Variants in ADAMTS8 observed in about 807,000 individuals in gnomAD.
ADAMTS8 encodes ADAM metallopeptidase with thrombospondin type 1 motif 8.
In ADAMTS8, 50 loss-of-function variants were observed where a neutral mutation model predicts 64.4. The ratio of observed to expected loss-of-function variants is 0.78; its 90% CI spans 0.62 to 0.98. The LOEUF is 0.98. ADAMTS8 is among the 50% of genes least tolerant of loss of function. The pLI, the probability that ADAMTS8 is intolerant of heterozygous loss-of-function variation, is 0.00. For synonymous variants in ADAMTS8, 556 were observed against 533.6 expected, an observed-to-expected ratio of 1.04 and a Z score of -0.58; for missense variants, 1,192 against 1,208.2, an observed-to-expected ratio of 0.99 and a Z score of 0.20.
At position 130,405,513 on chromosome 11, in the gene ADAMTS8, G is replaced by C; in HGVS notation, c.*45C>G. On this transcript the variant is annotated 3_prime_UTR_variant, in exon 9 of 9. Transcript: ENST00000257359. ...AGTGGAGACCCTTGTCTGCACCTCA[G>C]TACCGCATGTCCAGGAGCACAAGAC... is the stretch of plus-strand genomic sequence containing the variant. 1 of 1,548,486 alleles carries C rather than the reference G, an allele frequency of 6.5e-7. No individual in the cohort carries two copies. The highest frequency in any genetic ancestry group is 8.7e-7 in the Non-Finnish European group (1 of 1,148,046).
In ADAMTS8 at chr11:130,408,629, C is replaced by T; in HGVS notation, c.1934G>A (p.Gly645Asp). ...FKVFEAKVIDGTLCGPETLAI... is the reference protein window; with the variant it reads ...FKVFEAKVIDDTLCGPETLAI... ...CAGTGTTTCTGGCCCACACAGGGTG[C>T]CATCAATCACCTGCAACGGGGAAAG... Residue 645 changes from glycine (G) to aspartate (D), a missense_variant, in exon 8 of 9, where the codon GGC becomes GAC. By Grantham distance (94) the Gly-to-Asp change is moderately conservative (BLOSUM62 -1). Around this residue, in one of 5 missense-constraint regions of ADAMTS8, gnomAD observed 290 missense variants for 297.8 expected, o/e 0.97. Transcript: ENST00000257359. The T allele has an allele frequency of 6.2e-7, 1 of 1,613,990 alleles. No homozygotes were observed.
In ADAMTS8 at chr11:130,406,344, G is replaced by T. The variant is rs555757214; in HGVS notation, c.2100-216C>A. Among the ~76,000 whole-genome samples the T allele has an allele frequency of 2.0e-5, 3 of 152,342 alleles. No individual in the cohort carries two copies. The East Asian group carries it at 5.8e-4, about 29-fold the overall frequency. ...TTTTCAAGGGTGTTTGCTTCATCTG[G>T]CAACTCTATTTCAAAAGTGTGGTTG... On this transcript the variant is annotated intron_variant, in intron 8 of 8. Coordinates refer to ENST00000257359, the MANE Select transcript of ADAMTS8 (RefSeq NM_007037.6).
intron 1 of ADAMTS8, among the ~76,000 whole-genome samples, chr11:130,425,519 TG>T (rs753013246): frequency 1.1e-4 from 17 of 151,996 alleles, no homozygotes; most frequent in Non-Finnish European, 2.2e-4. Context: ...GTTCCATGTG[TG>T]GGGGTAGAGG....
intron 4 of ADAMTS8, 41 bp from the exon 5 acceptor site, chr11:130,414,873 G>A: frequency 2.0e-6 from 3 of 1,530,106 alleles, no homozygotes; most frequent in Non-Finnish European, 2.6e-6. Context: ...CATGCACAGG[G>A]CTGCCGCCCT....
In ADAMTS8 at chr11:130,414,824, G is replaced by A; in HGVS notation, c.1273C>T (p.Leu425Phe). Reference sequence around the variant, plus strand: ...AGGGCCGCAGCAGGGGCATCCAGGAGACAGTCTCCTGGGAAAAGAGGAAGC... The same window carrying A: ...AGGGCCGCAGCAGGGGCATCCAGGAAACAGTCTCCTGGGAAAAGAGGAAGC... Reference protein sequence around the residue: ...ELLDGGHGDCLLDAPAAALPL... With the variant: ...ELLDGGHGDCFLDAPAAALPL... The change falls in exon 5 of 9, where the codon CTC becomes TTC. Residue 425 changes from leucine (L) to phenylalanine (F), a missense_variant. Transcript: ENST00000257359. 1 of 1,606,408 alleles carries A rather than the reference G, an allele frequency of 6.2e-7. No homozygotes were observed. The highest frequency in any genetic ancestry group is 8.5e-7 in the Non-Finnish European group (1 of 1,175,424).
rs1172119035 is a variant in ADAMTS8, at chr11:130,414,542, C to T, written c.1555G>A (p.Glu519Lys). 2 of 1,600,414 alleles carry T rather than the reference C, an allele frequency of 1.2e-6. No individual in the cohort carries two copies. Among genetic ancestry groups the T allele is most frequent in the Admixed American group, 1.7e-5 (1 of 59,354 alleles). ...EGSCLPEEEVERPKPVADGGW... is the reference protein window; with the variant it reads ...EGSCLPEEEVKRPKPVADGGW... ...GGGCTGTCCCTCACCTTGGGCCTCTCCACTTCCTCCTCAGGTAGACAGCTG... is the reference window on the plus strand; with the variant it reads ...GGGCTGTCCCTCACCTTGGGCCTCTTCACTTCCTCCTCAGGTAGACAGCTG... The change falls in exon 5 of 9, where the codon GAG becomes AAG. Residue 519 changes from glutamate to lysine, a missense_variant. Transcript: ENST00000257359.
chr11:130,422,911 G>A (rs1862119181), intron 1 of ADAMTS8, among the ~76,000 whole-genome samples: 1 of 152,190 alleles, frequency 6.6e-6, no homozygotes, highest in Admixed American at 6.5e-5. Flanking sequence ...GCCATGCCTT[G>A]CTGAGTATGT....
Position 130,405,837 on chromosome 11 carries a change from G to C in ADAMTS8, c.2391C>G (p.Val797=). ...TVQLLTVPGE[V]FPPKVKYTFF... ...AGGTGTATTTGACTTTTGGGGGGAA[G>C]ACCTCGCCAGGGACTGTCAGGAGCT... is the stretch of plus-strand genomic sequence containing the variant. The change falls in exon 9 of 9, where the codon GTC becomes GTG. Residue 797 remains valine (V), a synonymous_variant. Transcript: ENST00000257359. 1 of 1,613,966 alleles carries C rather than the reference G, an allele frequency of 6.2e-7. No homozygotes were observed. Among genetic ancestry groups the C allele is most frequent in the Non-Finnish European group, 8.5e-7 (1 of 1,180,054 alleles).
rs375202417 is a variant in ADAMTS8, at chr11:130,408,827, G to A, written c.1864C>T (p.Arg622Cys). The change falls in exon 7 of 9, where the codon CGC becomes TGC. Residue 622 changes from arginine to cysteine, a missense_variant. Transcript: ENST00000257359. Reference protein sequence around the residue: ...PKYAGVSPRDRCKLFCRARGR... With the variant: ...PKYAGVSPRDCCKLFCRARGR... ...CGGGCTCGGCAGAACAACTTGCAGC[G>A]GTCCCGGGGGGACACCCCAGCATAC... is the stretch of plus-strand genomic sequence containing the variant. 1.3e-5 allele frequency: 21 copies of A among 1,613,866 alleles called. No homozygotes were observed. Among genetic ancestry groups the A allele is most frequent in the East Asian group, 4.5e-5 (2 of 44,882 alleles).
rs371044643 is a variant in ADAMTS8, at chr11:130,411,498, C to T, written c.1669G>A (p.Glu557Lys). 4.3e-5 allele frequency: 70 copies of T among 1,614,060 alleles called. No homozygotes were observed. Among genetic ancestry groups the T allele is most frequent in the African/African-American group, 2.7e-4 (20 of 74,902 alleles). ...CAGTATCTTCCTCCATTCTGAGGCT[C>T]GGGGTCCTTGCACTCACGGTGTGAA... ...QFSHRECKDPEPQNGGRYCLG... is the reference protein window; with the variant it reads ...QFSHRECKDPKPQNGGRYCLG... The change falls in exon 6 of 9, where the codon GAG becomes AAG. Residue 557 changes from glutamate to lysine, a missense_variant. Physicochemically the swap from Glu to Lys is moderately conservative, Grantham distance 56. Coordinates refer to ENST00000257359, the MANE Select transcript of ADAMTS8 (RefSeq NM_007037.6). The surrounding 1 kb of genome is among the most constrained non-coding windows in gnomAD (Gnocchi z 4.2).
chr11:130,421,624 G>A (rs1262089085), intron 1 of ADAMTS8, among the ~76,000 whole-genome samples: 2 of 152,130 alleles, frequency 1.3e-5, no homozygotes, highest in East Asian at 1.9e-4. Context: ...TGAGTTTTTG[G>A]TTTTCCCCTC....
chr11:130,419,072 G>C lies in ADAMTS8; in HGVS notation c.941C>G (p.Ala314Gly), dbSNP rs1297763807. ...SDRHPEHYDTAILLTRQNFCG... is the reference protein window; with the variant it reads ...SDRHPEHYDTGILLTRQNFCG... ...ACGGACCTGTCTGGTGAGCAGGATG[G>C]CCGTGTCGTAGTGCTCTGGGTGGCG... Residue 314 changes from alanine (A) to glycine (G), a missense_variant, in exon 2 of 9, where the codon GCC (alanine) becomes GGC (glycine). Transcript: ENST00000257359. 6.8e-6 allele frequency: 11 copies of C among 1,614,142 alleles called. No homozygotes were observed. The East Asian group carries it at 2.5e-4, about 36-fold the overall frequency.
chr11:130,413,011 T>G (rs7952710), intron 5 of ADAMTS8, among the ~76,000 whole-genome samples: 1,614 of 152,138 alleles, frequency 0.011, 34 homozygotes, highest in African/African-American at 0.035. Flanking sequence ...GCTGGGATTA[T>G]AGGCACCTGC....
rs540832860 is a variant in ADAMTS8, at chr11:130,424,192, C to T, written c.720+3375G>A. 2.9e-4 allele frequency among the ~76,000 whole-genome samples: 44 copies of T among 152,236 alleles called. No individual in the cohort carries two copies. The South Asian group carries it at 6.2e-3, about 22-fold the overall frequency. On this transcript the variant is annotated intron_variant, in intron 1 of 8. Transcript: ENST00000257359. Reference sequence around the variant, plus strand: ...CAGACCCTAGTCCTGAGAAAGAGGCCGCCTGGTGGGATAACAGTGCACAGG... The same window carrying T: ...CAGACCCTAGTCCTGAGAAAGAGGCTGCCTGGTGGGATAACAGTGCACAGG...
chr11:130,411,746 T>A lies in ADAMTS8; in HGVS notation c.1567-146A>T. ...TGCCGTAAACTGCCTCAATCATTTGTTTAATGACTGTGTGGCCTGCATGGC... is the reference window on the plus strand; with the variant it reads ...TGCCGTAAACTGCCTCAATCATTTGATTAATGACTGTGTGGCCTGCATGGC... On this transcript the variant is annotated intron_variant, in intron 5 of 8. Coordinates refer to ENST00000257359, the MANE Select transcript of ADAMTS8 (RefSeq NM_007037.6). The surrounding 1 kb of genome is among the most constrained non-coding windows in gnomAD (Gnocchi z 4.2). The A allele has an allele frequency of 2.5e-6, 2 of 795,790 alleles. No homozygotes were observed. Among genetic ancestry groups the A allele is most frequent in the Non-Finnish European group, 3.9e-6 (2 of 509,840 alleles). The allele number at this position is 795,790 out of a possible 1,614,324, so 49.3% of individuals were successfully genotyped here. A position where few individuals can be genotyped will look rare whatever the true frequency, so the allele number is the denominator to read the frequency against.
rs1861859413 is a variant in ADAMTS8 at position 130,405,097 on chromosome 11, T to C, written c.*461A>G. ...AGTCGTGGTCATTCTTGAAGACAGC[T>C]TGGGGTCCAGCTTTGGAGCCTGCTT... On this transcript the variant is annotated 3_prime_UTR_variant, in exon 9 of 9. Transcript: ENST00000257359. 5.0e-6 allele frequency: 5 copies of C among 991,140 alleles called. No individual in the cohort carries two copies. The highest frequency in any genetic ancestry group is 6.0e-6 in the Non-Finnish European group (5 of 833,704). 61.4% of individuals were successfully genotyped at this position (991,140 alleles called of 1,614,324 possible).
In ADAMTS8 at chr11:130,405,978, G is replaced by A. The variant is rs372557302; in HGVS notation, c.2250C>T (p.Ile750=). ...GQYLLNGNLA[I]SAIEQDILVK... ...CCAAGATGTCCTGCTCTATGGCAGAGATGGCCAGGTTGCCGTTGAGCAGGT... is the reference window on the plus strand; with the variant it reads ...CCAAGATGTCCTGCTCTATGGCAGAAATGGCCAGGTTGCCGTTGAGCAGGT... Residue 750 remains isoleucine (I), a synonymous_variant, in exon 9 of 9, where the codon ATC becomes ATT. Coordinates refer to ENST00000257359, the MANE Select transcript of ADAMTS8 (RefSeq NM_007037.6). 8.7e-6 allele frequency: 14 copies of A among 1,614,120 alleles called. No homozygotes were observed. In the African/African-American group the frequency reaches 1.2e-4, roughly 14 times the overall value.
chr11:130,419,386 G>T, intron 1 of ADAMTS8, 94 bp from the exon 2 acceptor site: 1 of 1,525,956 alleles, frequency 6.6e-7, no homozygotes, highest in Non-Finnish European at 8.9e-7. Context: ...TTGTTATGGG[G>T]CTGAGCATCA....
chr11:130,427,755 C>T lies in ADAMTS8; in HGVS notation c.532G>A (p.Glu178Lys), dbSNP rs1016566948. Residue 178 changes from glutamate (E) to lysine (K), a missense_variant, in exon 1 of 9, where the codon GAG becomes AAG. Glu to Lys is a moderately conservative substitution (Grantham distance 56). Around this residue, in one of 5 missense-constraint regions of ADAMTS8, gnomAD observed 741 missense variants for 710.6 expected, o/e 1.04. Coordinates refer to ENST00000257359, the MANE Select transcript of ADAMTS8 (RefSeq NM_007037.6). Reference sequence around the variant, plus strand: ...CTGTCCTCCTGGTGGTCTCCTCTCTCCTGCCTCTGACCCTCTCCCGTCTCC... The same window carrying T: ...CTGTCCTCCTGGTGGTCTCCTCTCTTCTGCCTCTGACCCTCTCCCGTCTCC... The part of the protein sequence containing the change: ...EVETGEGQRQ[E>K]RGDHQEDSEE... The T allele has an allele frequency of 3.1e-6, 5 of 1,596,308 alleles. No homozygotes were observed. The highest frequency in any genetic ancestry group is 4.3e-6 in the Non-Finnish European group (5 of 1,172,376).
Sources: gnomAD v4.1 joint callset for allele counts (sites outside exome capture counted in the v4.1 genomes callset) on GRCh38, gnomAD v4.1.1 for gene constraint, gnomAD v4.1.1 regional missense constraint, Gnocchi (gnomAD v3.1) non-coding constraint, MANE v1.5 for transcripts, NCBI Gene and HGNC (gene_info 2026-07-23, HGNC 2026-07-21) for gene names.